The following GPR83 variants were observed in gnomAD, a reference collection of about 807,000 sequenced individuals.
The protein encoded by GPR83 is G-protein coupled receptor 72.
In GPR83, 23 loss-of-function variants were observed where a neutral mutation model predicts 28.0. That is an observed-to-expected ratio of 0.82 (90% CI 0.59 to 1.16). GPR83 has a LOEUF of 1.16. Among genes scored for constraint, GPR83 ranks in the 50% most tolerant of loss-of-function variants. The pLI is 0.00. For synonymous variants in GPR83, 234 were observed against 215.4 expected (o/e 1.09, Z -0.76); for missense variants, 610 against 536.6 (o/e 1.14, Z -1.35).
Position 94,383,683 on chromosome 11 carries a change from C to T in GPR83, c.648-2910G>A, listed in dbSNP as rs774881284. 7.9e-5 allele frequency among the ~76,000 whole-genome samples: 12 copies of T among 152,224 alleles called. 1 individual carries two copies. In the South Asian group the frequency reaches 8.3e-4, roughly 11 times the overall value. ...ACTGATCCCACAGAAATACAAACTCCGATCACAGAATACTATAAACACCTT... is the reference window on the plus strand; with the variant it reads ...ACTGATCCCACAGAAATACAAACTCTGATCACAGAATACTATAAACACCTT... On this transcript the variant is annotated intron_variant, in intron 3 of 3. Coordinates refer to ENST00000243673, the MANE Select transcript of GPR83 (RefSeq NM_016540.4).
rs1246344114 is a variant in GPR83, at chr11:94,394,693, T to TG, written c.514-1076dup. Among the ~76,000 whole-genome samples the TG allele has an allele frequency of 2.0e-5, 3 of 152,240 alleles. No individual in the cohort carries two copies. In the East Asian group the frequency reaches 5.8e-4, roughly 29 times the overall value. On this transcript the variant is annotated intron_variant, in intron 2 of 3. Coordinates refer to ENST00000243673, the MANE Select transcript of GPR83 (RefSeq NM_016540.4). ...GAGGAAGCAATGAGGCTTCAGAAGC[T>TG]GACAGCACATCTCCCTTCTGGATTC...
intron 1 of GPR83, 64 bp downstream of exon 1, chr11:94,400,797 G>C (rs1944903750): frequency 6.6e-7 from 1 of 1,517,714 alleles, no homozygotes; most frequent in East Asian, 2.3e-5. Context: ...AGGGAGGCCA[G>C]AGAACTGAGA....
At chr11:94,383,099 T>C (rs1278096741) in intron 3 of GPR83, among the ~76,000 whole-genome samples, 1 of 150,340 alleles carries the variant, frequency 6.7e-6, no homozygotes, top group East Asian at 2.0e-4. Context: ...TGCAGTGAGC[T>C]GAGATCATGC....
rs747025579 is a variant in GPR83, at chr11:94,396,524, C to A, written c.388G>T (p.Val130Phe). 3.1e-6 allele frequency: 5 copies of A among 1,613,546 alleles called. No homozygotes were observed. The East Asian group carries it at 6.7e-5, about 22-fold the overall frequency. The change falls in exon 2 of 4, where the codon GTT becomes TTT. Residue 130 changes from valine to phenylalanine, a missense_variant and splice_region_variant. Val to Phe is a conservative substitution (Grantham distance 50). Coordinates refer to ENST00000243673, the MANE Select transcript of GPR83 (RefSeq NM_016540.4). ...ITLLNTPFTL[V>F]RFVNSTWIFG... Reference sequence around the variant, plus strand: ...ATCCATGTGCTGTTCACAAAGCGAACCTGGAGATGAGCCCAAAGATGTTAG... The same window carrying A: ...ATCCATGTGCTGTTCACAAAGCGAAACTGGAGATGAGCCCAAAGATGTTAG...
chr11:94,392,434 T>G (rs1489183999), intron 3 of GPR83, among the ~76,000 whole-genome samples: 1 of 152,080 alleles, frequency 6.6e-6, no homozygotes, highest in Non-Finnish European at 1.5e-5. Flanking sequence ...AACTGCACAT[T>G]GTGTACATGT....
intron 3 of GPR83, among the ~76,000 whole-genome samples, chr11:94,388,288 C>G (rs142640027): frequency 0.12 from 17,684 of 152,188 alleles, 1,167 homozygotes; most frequent in Middle Eastern, 0.16. Flanking sequence ...TCTCTCACCA[C>G]TCCTATTCAA....
rs1430143333 is a variant in GPR83, at chr11:94,377,367, CTT to C, written c.*2780_*2781del. 1 of 152,176 alleles carries C rather than the reference CTT, an allele frequency of 6.6e-6. No individual in the cohort carries two copies. The highest frequency in any genetic ancestry group is 2.4e-5 in the African/African-American group (1 of 41,450). The allele number at this position is 152,176 out of a possible 1,614,324, so 9.4% of individuals were successfully genotyped here. On this transcript the variant is annotated 3_prime_UTR_variant, in exon 4 of 4. Coordinates refer to ENST00000243673, the MANE Select transcript of GPR83 (RefSeq NM_016540.4). ...GAGATGAGCAATTTACAATAAAACA[CTT>C]TACAGCACATTGGAAAAACTCAAGT...
intron 3 of GPR83, 86 bp from the exon 4 acceptor site, chr11:94,380,859 T>C: frequency 8.2e-7 from 1 of 1,214,742 alleles, no homozygotes; most frequent in Non-Finnish European, 1.1e-6. Flanking sequence ...AGCACTGGCC[T>C]CTCCTTCCAC....
At chr11:94,389,800 C>A (rs1031421268) in intron 3 of GPR83, among the ~76,000 whole-genome samples, 26 of 152,158 alleles carry the variant, frequency 1.7e-4, no homozygotes, top group Non-Finnish European at 3.5e-4. Context: ...TACCATTTGA[C>A]CCAGCCATCC....
Position 94,401,047 on chromosome 11 carries a change from G to A in GPR83, c.201C>T (p.Asn67=), listed in dbSNP as rs762015019. The A allele has an allele frequency of 1.9e-6, 3 of 1,614,086 alleles. No individual in the cohort carries two copies. The highest frequency in any genetic ancestry group is 2.2e-5 in the East Asian group (1 of 44,894). ...CAATGAGCAGGGCTTTCACCGTGGGGTTCTGGGACTCAGCGCCGTAGCGCC... is the reference window on the plus strand; with the variant it reads ...CAATGAGCAGGGCTTTCACCGTGGGATTCTGGGACTCAGCGCCGTAGCGCC... The part of the protein sequence containing the change: ...GRRRYGAESQ[N]PTVKALLIVA... The change falls in exon 1 of 4, where the codon AAC becomes AAT. Residue 67 remains asparagine, a synonymous_variant. Transcript: ENST00000243673.
intron 1 of GPR83, among the ~76,000 whole-genome samples, 198 bp from the exon 2 acceptor site, chr11:94,396,722 A>G (rs1452159080): frequency 6.6e-6 from 1 of 152,102 alleles, no homozygotes; most frequent in Non-Finnish European, 1.5e-5. Flanking sequence ...ACAAACCCTG[A>G]TCATGCTTCT....
chr11:94,394,593 C>G (rs1297148317), intron 2 of GPR83, among the ~76,000 whole-genome samples: 1 of 152,098 alleles, frequency 6.6e-6, no homozygotes, highest in Non-Finnish European at 1.5e-5. Flanking sequence ...AGATGCCATC[C>G]CAGAACACAC....
intron 3 of GPR83, among the ~76,000 whole-genome samples, chr11:94,390,872 C>T (rs1420809704): frequency 3.3e-5 from 5 of 152,136 alleles, no homozygotes; most frequent in Admixed American, 2.6e-4. Context: ...TAGGAAGAAT[C>T]AATATCATGA....
intron 3 of GPR83, among the ~76,000 whole-genome samples, chr11:94,385,936 G>A (rs1253037304): frequency 6.6e-6 from 1 of 152,150 alleles, no homozygotes; most frequent in African/African-American, 2.4e-5. Context: ...AAATGTTAAG[G>A]GCAGTCAGAG....
chr11:94,379,885 G>T lies in GPR83; in HGVS notation c.*264C>A. The T allele has an allele frequency of 3.2e-6, 1 of 310,444 alleles. No individual in the cohort carries two copies. The allele number at this position is 310,444 out of a possible 1,614,324, so 19.2% of individuals were successfully genotyped here. On this transcript the variant is annotated 3_prime_UTR_variant, in exon 4 of 4. Transcript: ENST00000243673. ...CCCCATCTGGGCCAACGTTGTCCTC[G>T]CTCCTCTTCCTCAGAGATACAGGCT...
rs1421668479 is a variant in GPR83, at chr11:94,380,510, C to T, written c.911G>A (p.Cys304Tyr). The T allele has an allele frequency of 6.2e-7, 1 of 1,614,092 alleles. No homozygotes were observed. Among genetic ancestry groups the T allele is most frequent in the African/African-American group, 1.3e-5 (1 of 74,928 alleles). ...GACGTAGCAGTTGAGGGGGAACCAGCAGAGGGCAAAGAGGACTACCACCAG... is the reference window on the plus strand; with the variant it reads ...GACGTAGCAGTTGAGGGGGAACCAGTAGAGGGCAAAGAGGACTACCACCAG... ...LMLVVVLFAL[C>Y]WFPLNCYVLL... The change falls in exon 4 of 4, where the codon TGC becomes TAC. Residue 304 changes from cysteine to tyrosine, a missense_variant. By Grantham distance (194) the Cys-to-Tyr change is radical. Transcript: ENST00000243673.
rs760206980 is a variant in GPR83, at chr11:94,380,544, T to A, written c.877A>T (p.Met293Leu). The change falls in exon 4 of 4, where the codon ATG becomes TTG. Residue 293 changes from methionine (M) to leucine (L), a missense_variant. Physicochemically the swap from Met to Leu is conservative, Grantham distance 15. Transcript: ENST00000243673. ...LRRKKKKTIK[M>L]LMLVVVLFAL... ...AAGAGGACTACCACCAGCATCAACA[T>A]CTTGATGGTCTTCTTCTTTTTGCGC... The A allele has an allele frequency of 3.1e-6, 5 of 1,614,166 alleles. No homozygotes were observed. The highest frequency in any genetic ancestry group is 2.2e-5 in the East Asian group (1 of 44,876).
At chr11:94,389,634 C>A (rs977216158) in intron 3 of GPR83, among the ~76,000 whole-genome samples, 1 of 152,198 alleles carries the variant, frequency 6.6e-6, no homozygotes, top group African/African-American at 2.4e-5. Context: ...CATCTCACAC[C>A]AGTTAGAATG....
chr11:94,389,742 C>T (rs1944796304), intron 3 of GPR83, among the ~76,000 whole-genome samples: 2 of 152,176 alleles, frequency 1.3e-5, no homozygotes. Flanking sequence ...CTAGTTCAAC[C>T]ACTGTGGAAG....
Sources: gnomAD v4.1 joint callset for allele counts (sites outside exome capture counted in the v4.1 genomes callset) on GRCh38, gnomAD v4.1.1 for gene constraint, MANE v1.5 for transcripts, NCBI Gene and HGNC (gene_info 2026-07-23, HGNC 2026-07-21) for gene names.